CXADR: variants seen among roughly 807,000 people sequenced by gnomAD.
The protein encoded by CXADR is coxsackievirus and adenovirus receptor.
Under a neutral mutation model 40.3 loss-of-function variants are expected in CXADR, and 20 were observed. That is an observed-to-expected ratio of 0.50 (90% CI 0.35 to 0.72). CXADR has a LOEUF of 0.72. Ranked by LOEUF, CXADR falls within the 30% of genes least tolerant of loss-of-function variation. CXADR has a pLI of 0.01. For synonymous variants in CXADR, 150 were observed against 161.3 expected, an observed-to-expected ratio of 0.93 and a Z score of 0.53; for missense variants, 332 against 449.1, an observed-to-expected ratio of 0.74 and a Z score of 2.36.
chr21:17,593,801 T>G (rs374710526), downstream of CXADR: 14 of 319,762 alleles, frequency 4.4e-5, no homozygotes, highest in Middle Eastern at 9.2e-4. Context: ...ATCGTCCACT[T>G]CTACAGTGTT....
At position 17,566,432 on chromosome 21, in the gene CXADR, C is replaced by T; in HGVS notation, c.*740C>T. The T allele has an allele frequency of 1.0e-6, 1 of 985,388 alleles. No individual in the cohort carries two copies. The highest frequency in any genetic ancestry group is 1.2e-6 in the Non-Finnish European group (1 of 829,930). 61.0% of individuals were successfully genotyped at this position (985,388 alleles called of 1,614,324 possible). ...CTGTCAGCCACATATTGAGATGACA[C>T]TAGGTGCAATAGCAGGGATAGATTT... On this transcript the variant is annotated 3_prime_UTR_variant, in exon 7 of 7. Coordinates refer to ENST00000284878, the MANE Select transcript of CXADR (RefSeq NM_001338.5).
chr21:17,560,616 T>G (rs979190), intron 4 of CXADR, 86 bp from the exon 5 acceptor site: 1 of 1,351,376 alleles, frequency 7.4e-7, no homozygotes, highest in South Asian at 1.3e-5. Flanking sequence ...CTGGATTGTT[T>G]AATTTGGAGA....
intron 7 of CXADR, among the ~76,000 whole-genome samples, chr21:17,578,859 T>TACC (rs1388822673): frequency 5.9e-5 from 9 of 152,060 alleles, no homozygotes; most frequent in African/African-American, 2.2e-4. Flanking sequence ...GCAGTACATT[T>TACC]TGCATATACC....
chr21:17,566,881 A>G lies in CXADR; in HGVS notation c.*1189A>G, dbSNP rs1363896760. 1 of 984,408 alleles carries G rather than the reference A, an allele frequency of 1.0e-6. No individual in the cohort carries two copies. The highest frequency in any genetic ancestry group is 1.2e-6 in the Non-Finnish European group (1 of 829,364). 61.0% of individuals were successfully genotyped at this position (984,408 alleles called of 1,614,324 possible). A position where few individuals can be genotyped will look rare whatever the true frequency, so the allele number is the denominator to read the frequency against. ...TGTGTGATCAAACATGTCTCTGTGT[A>G]GTTCCAGCAAATCAAGCTGAGCTTT... On this transcript the variant is annotated 3_prime_UTR_variant, in exon 7 of 7. Coordinates refer to ENST00000284878, the MANE Select transcript of CXADR (RefSeq NM_001338.5).
At chr21:17,624,030 C>T in the CXADR span, among the ~76,000 whole-genome samples, 2 of 152,086 alleles carry the variant, frequency 1.3e-5, no homozygotes, top group African/African-American at 2.4e-5. Flanking sequence ...ATCCTTTTAT[C>T]GTGTAAGGCT....
intron 1 of CXADR, 21 bp from the exon 2 acceptor site, chr21:17,547,006 C>T: frequency 6.2e-7 from 1 of 1,611,576 alleles, no homozygotes; most frequent in Non-Finnish European, 8.5e-7. Context: ...TGCTTAGTCC[C>T]TTGTACATTT....
chr21:17,599,058 CTTATT>C, the CXADR span: 5 of 379,998 alleles, frequency 1.3e-5, no homozygotes, highest in South Asian at 4.1e-4. Context: ...TTTTCTTTCC[CTTATT>C]TTCTTTCTAC....
rs147838857 is a variant in CXADR at position 17,584,562 on chromosome 21, T to G, written c.1018-8590T>G. On this transcript the variant is annotated intron_variant, in intron 7 of 7. Coordinates refer to the CXADR transcript ENST00000400169. Reference sequence around the variant, plus strand: ...AGTCCTGCCCCTAGGCCGGGCGTGATGGCTCACGTCTGTAGTCCCAGCACT... The same window carrying G: ...AGTCCTGCCCCTAGGCCGGGCGTGAGGGCTCACGTCTGTAGTCCCAGCACT... Among the ~76,000 whole-genome samples the G allele has an allele frequency of 1.5e-3, 231 of 152,372 alleles. 1 individual carries two copies. The highest frequency in any genetic ancestry group is 5.4e-3 in the African/African-American group (223 of 41,586).
Position 17,567,069 on chromosome 21 carries a change from A to C in CXADR, c.*1377A>C. The C allele has an allele frequency of 2.0e-6, 2 of 982,908 alleles. No homozygotes were observed. The highest frequency in any genetic ancestry group is 2.4e-6 in the Non-Finnish European group (2 of 827,676). 60.9% of individuals were successfully genotyped at this position (982,908 alleles called of 1,614,324 possible). A position where few individuals can be genotyped will look rare whatever the true frequency, so the allele number is the denominator to read the frequency against. ...AAAGTGGGTTTATTGTATTTCCCTT[A>C]AGATTGTGAGGGAGTGTGGATACAG... On this transcript the variant is annotated 3_prime_UTR_variant, in exon 7 of 7. Coordinates refer to ENST00000284878, the MANE Select transcript of CXADR (RefSeq NM_001338.5).
At chr21:17,552,691 T>TTTTA (rs1276164645) in intron 3 of CXADR, among the ~76,000 whole-genome samples, 8 of 152,190 alleles carry the variant, frequency 5.3e-5, no homozygotes, top group African/African-American at 1.9e-4. Flanking sequence ...AACATAGCTG[T>TTTTA]CTAGCTCTCT....
At chr21:17,615,802 G>T in the CXADR span, among the ~76,000 whole-genome samples, 1 of 152,158 alleles carries the variant, frequency 6.6e-6, no homozygotes, top group Admixed American at 6.5e-5. Context: ...ATAATCACAG[G>T]AATCATCACA....
the CXADR span, among the ~76,000 whole-genome samples, chr21:17,633,401 C>T: frequency 6.6e-6 from 1 of 152,066 alleles, no homozygotes; most frequent in Admixed American, 6.5e-5. Flanking sequence ...TCCATCTCTA[C>T]AAAAAATAAT....
chr21:17,522,550 A>G (rs995413623), intron 1 of CXADR, among the ~76,000 whole-genome samples: 5 of 152,166 alleles, frequency 3.3e-5, no homozygotes, highest in African/African-American at 1.2e-4. Context: ...TTTGCAATCT[A>G]ATTTTCATCC....
intron 1 of CXADR, among the ~76,000 whole-genome samples, chr21:17,543,983 G>A (rs117378393): frequency 6.6e-6 from 1 of 152,092 alleles, no homozygotes; most frequent in Non-Finnish European, 1.5e-5. Flanking sequence ...GGGTAACATA[G>A]TGAGACCTCA....
At chr21:17,620,141 G>C in the CXADR span, among the ~76,000 whole-genome samples, 2 of 152,192 alleles carry the variant, frequency 1.3e-5, no homozygotes, top group African/African-American at 4.8e-5. Context: ...GTTGGCACAA[G>C]AGCCCTACCT....
At chr21:17,561,206 G>C (rs1166496156) in intron 5 of CXADR, 132 bp from the exon 6 acceptor site, 1 of 577,184 alleles carries the variant, frequency 1.7e-6, no homozygotes, top group Non-Finnish European at 2.8e-6. Context: ...TTTTCCCCCG[G>C]ATCAAAAAGA....
downstream of CXADR, among the ~76,000 whole-genome samples, chr21:17,595,361 T>C (rs1328345535): frequency 6.6e-6 from 1 of 151,920 alleles, no homozygotes; most frequent in African/African-American, 2.4e-5. Flanking sequence ...ATTCAAAAAG[T>C]ACAAAAGGGT....
At chr21:17,581,926 T>C (rs1365158397) in intron 7 of CXADR, among the ~76,000 whole-genome samples, 1 of 412 alleles carries the variant, frequency 2.4e-3, no homozygotes, top group East Asian at 0.023. Flanking sequence ...GAGGAGTTTG[T>C]TTGTTTGTTT....
At chr21:17,532,857 A>G (rs184167537) in intron 1 of CXADR, among the ~76,000 whole-genome samples, 1 of 152,322 alleles carries the variant, frequency 6.6e-6, no homozygotes, top group African/African-American at 2.4e-5. Flanking sequence ...CATTTTAGAG[A>G]GGAAAACATC....
Sources: gnomAD v4.1 joint callset for allele counts (sites outside exome capture counted in the v4.1 genomes callset) on GRCh38, gnomAD v4.1.1 for gene constraint, MANE v1.5 for transcripts, NCBI Gene and HGNC (gene_info 2026-07-23, HGNC 2026-07-21) for gene names.